The following CPSF4 variants were observed in gnomAD, a reference collection of about 807,000 sequenced individuals.
CPSF4 encodes cleavage and polyadenylation specific factor 4, also known as cleavage and polyadenylation specificity factor subunit 4.
CPSF4 carries 11 observed loss-of-function variants against 37.7 expected under a neutral mutation model. The observed-to-expected ratio is 0.29, with a 90% confidence interval of 0.18 to 0.48. CPSF4 has a LOEUF of 0.48. Ranked by LOEUF, CPSF4 falls within the 20% of genes least tolerant of loss-of-function variation. The probability of loss-of-function intolerance (pLI) is 0.99; values close to 1 mark genes in which losing one functional copy is unlikely to be tolerated. For synonymous variants in CPSF4, 132 were observed against 135.9 expected (o/e 0.97, Z 0.20); for missense variants, 144 against 359.5 (o/e 0.40, Z 4.85).
rs751146641 is a variant in CPSF4, at chr7:99,442,655, C to CAAAAAA, written c.104-2119_104-2114dup. Among the ~76,000 whole-genome samples the CAAAAAA allele has an allele frequency of 1.3e-3, 66 of 52,406 alleles. 2 individuals are homozygous for CAAAAAA. Among genetic ancestry groups the CAAAAAA allele is most frequent in the Non-Finnish European group, 1.4e-3 (35 of 25,116 alleles). 34.4% of individuals were successfully genotyped at this position (52,406 alleles called of 152,430 possible). Reference sequence around the variant, plus strand: ...CCTGGGCAACAGCGAGACTCCGTCTCAAAAAAAAAAAAAAAAAAAACAAAA... The same window carrying CAAAAAA: ...CCTGGGCAACAGCGAGACTCCGTCTCAAAAAAAAAAAAAAAAAAAAAAAAAACAAAA... On this transcript the variant is annotated intron_variant, in intron 1 of 7. Coordinates refer to ENST00000292476, the MANE Select transcript of CPSF4 (RefSeq NM_006693.4).
intron 7 of CPSF4, among the ~76,000 whole-genome samples, chr7:99,454,641 G>A (rs1008409013): frequency 7.9e-5 from 12 of 152,150 alleles, no homozygotes; most frequent in East Asian, 1.9e-4. Context: ...TGTGGGAAGC[G>A]GGGAAAGGGG....
At chr7:99,442,914 C>T (rs141125855) in intron 1 of CPSF4, 1 of 1,459,926 alleles carries the variant, frequency 6.8e-7, no homozygotes, top group African/African-American at 1.4e-5. Flanking sequence ...TGCTCTTTTC[C>T]TCTTCTTTGC....
At chr7:99,440,674 A>ATATATATATATATATATATATATTTTTTT in intron 1 of CPSF4, among the ~76,000 whole-genome samples, 1 of 88,088 alleles carries the variant, frequency 1.1e-5, no homozygotes, top group African/African-American at 9.7e-5. Context: ...ATATATATAT[A>ATATATATATATATATATATATATTTTTTT]TTTTTTTTTT....
Position 99,452,421 on chromosome 7 carries a change from A to C in CPSF4, c.551A>C (p.Gln184Pro), listed in dbSNP as rs756313629. The C allele has an allele frequency of 6.2e-7, 1 of 1,614,054 alleles. No homozygotes were observed. Among genetic ancestry groups the C allele is most frequent in the South Asian group, 1.1e-5 (1 of 91,078 alleles). ...GTTEQPPLPQ[Q>P]TQPPAKQSNN... Reference sequence around the variant, plus strand: ...ACCGAGCAGCCCCCACTGCCGCAGCAGACACAGCCTCCAGCAAAGGTACCG... The same window carrying C: ...ACCGAGCAGCCCCCACTGCCGCAGCCGACACAGCCTCCAGCAAAGGTACCG... Residue 184 changes from glutamine to proline, a missense_variant, in exon 6 of 8, where the codon CAG becomes CCG. Around this residue, in one of 4 missense-constraint regions of CPSF4, gnomAD observed 86 missense variants for 141.5 expected, o/e 0.61. Coordinates refer to ENST00000292476, the MANE Select transcript of CPSF4 (RefSeq NM_006693.4).
chr7:99,443,459 A>C (rs1280782131), intron 1 of CPSF4: 9 of 1,048,260 alleles, frequency 8.6e-6, no homozygotes, highest in Non-Finnish European at 1.3e-5. Flanking sequence ...TAGTTTAGCA[A>C]GCTTCAGCTT....
At chr7:99,447,288 GAC>G (rs1253137822) in intron 2 of CPSF4, among the ~76,000 whole-genome samples, 2 of 133,274 alleles carry the variant, frequency 1.5e-5, no homozygotes, top group African/African-American at 5.7e-5. Context: ...TTTTTTTTGA[GAC>G]AGAGTTTTGT....
chr7:99,443,004 T>C (rs1797158246), intron 1 of CPSF4: 4 of 1,530,302 alleles, frequency 2.6e-6, no homozygotes, highest in African/African-American at 1.4e-5. Flanking sequence ...CAGTTTCTTA[T>C]CATCTTCAGA....
rs1172196238 is a variant in CPSF4, at chr7:99,451,753, G to A, written c.498-615G>A. On this transcript the variant is annotated intron_variant, in intron 5 of 7. Coordinates refer to ENST00000292476, the MANE Select transcript of CPSF4 (RefSeq NM_006693.4). ...TCTGTCACTTTGGTTGTGGACCTGGGCTTCTGCCTGGGGTGGCACTGGGGC... is the reference window on the plus strand; with the variant it reads ...TCTGTCACTTTGGTTGTGGACCTGGACTTCTGCCTGGGGTGGCACTGGGGC... 3.9e-5 allele frequency among the ~76,000 whole-genome samples: 6 copies of A among 152,330 alleles called. No individual in the cohort carries two copies. In the East Asian group the frequency reaches 1.2e-3, roughly 29 times the overall value.
At chr7:99,441,319 TCCCA>T in intron 1 of CPSF4, 1 of 440,300 alleles carries the variant, frequency 2.3e-6, no homozygotes, top group South Asian at 1.6e-5. Flanking sequence ...GCTCTTTTCC[TCCCA>T]CCCTTCTGCC....
intron 1 of CPSF4, among the ~76,000 whole-genome samples, chr7:99,441,954 A>T (rs954697091): frequency 1.3e-5 from 2 of 152,280 alleles, no homozygotes; most frequent in East Asian, 3.9e-4. Context: ...AGCCTCCCAA[A>T]GTGCTAGGAT....
chr7:99,449,967 G>A (rs1797819410), intron 3 of CPSF4, among the ~76,000 whole-genome samples: 1 of 152,192 alleles, frequency 6.6e-6, no homozygotes, highest in South Asian at 2.1e-4. Flanking sequence ...TACTCAGGAA[G>A]GCGGTTCTTG....
At chr7:99,451,895 GCCGGTGCTGTCACTGGGTCT>G (rs1797956444) in intron 5 of CPSF4, among the ~76,000 whole-genome samples, 1 of 152,216 alleles carries the variant, frequency 6.6e-6, no homozygotes, top group Non-Finnish European at 1.5e-5. Context: ...CAGGGAAGTG[GCCGGTGCTGTCACTGGGTCT>G]CACTCCCTGA....
In CPSF4 at chr7:99,453,681, C is replaced by T. The variant is rs970241267; in HGVS notation, c.571-285C>T. On this transcript the variant is annotated intron_variant, in intron 6 of 7. Coordinates refer to ENST00000292476, the MANE Select transcript of CPSF4 (RefSeq NM_006693.4). This position sits in a 1 kb window ranked among gnomAD's most constrained non-coding sequence, Gnocchi z 4.7. ...CTCAGAAACCAAAGTAAGGCCTGAT[C>T]ATGCCCTCGCCCCACTGCCCCAGAG... 5.6e-6 allele frequency: 2 copies of T among 357,278 alleles called. No individual in the cohort carries two copies. Among genetic ancestry groups the T allele is most frequent in the South Asian group, 4.2e-5 (1 of 23,888 alleles). The allele number at this position is 357,278 out of a possible 1,614,324, so 22.1% of individuals were successfully genotyped here.
Position 99,453,778 on chromosome 7 carries a change from T to C in CPSF4, c.571-188T>C. ...TTTTTGTGTGTCTGCATGGTGTTTT[T>C]CGGGCAGTGGCTTCTGCCATCATCA... is the stretch of plus-strand genomic sequence containing the variant. On this transcript the variant is annotated intron_variant, in intron 6 of 7. Coordinates refer to ENST00000292476, the MANE Select transcript of CPSF4 (RefSeq NM_006693.4). The surrounding 1 kb of genome is among the most constrained non-coding windows in gnomAD (Gnocchi z 4.7). 1.7e-6 allele frequency: 1 copy of C among 604,484 alleles called. No homozygotes were observed. The highest frequency in any genetic ancestry group is 2.9e-6 in the Non-Finnish European group (1 of 341,698). The allele number at this position is 604,484 out of a possible 1,614,324, so 37.4% of individuals were successfully genotyped here.
At chr7:99,454,466 G>A (rs1380050356) in intron 7 of CPSF4, among the ~76,000 whole-genome samples, 1 of 152,150 alleles carries the variant, frequency 6.6e-6, no homozygotes, top group African/African-American at 2.4e-5. Context: ...GGAGCCGCTG[G>A]CTGTCCTGGG....
At chr7:99,440,557 T>G (rs1468159289) in intron 1 of CPSF4, among the ~76,000 whole-genome samples, 4 of 150,822 alleles carry the variant, frequency 2.7e-5, no homozygotes, top group African/African-American at 9.8e-5. Context: ...TATTTCATCA[T>G]GTTTCCCAGG....
intron 1 of CPSF4, chr7:99,443,305 G>C (rs1415491056): frequency 2.4e-6 from 2 of 841,514 alleles, no homozygotes; most frequent in Non-Finnish European, 4.2e-6. Context: ...TTTGACAAGG[G>C]GTTTTTTTCT....
rs1043937711 is a variant in CPSF4 at position 99,443,589 on chromosome 7, G to T, written c.104-1200G>T. On this transcript the variant is annotated intron_variant, in intron 1 of 7. Transcript: ENST00000292476. ...AGCACTTTGGGAAGCCAAGGCAGGCGGATCACGAGGTCAGGAGTTCGAGAC... is the reference window on the plus strand; with the variant it reads ...AGCACTTTGGGAAGCCAAGGCAGGCTGATCACGAGGTCAGGAGTTCGAGAC... 3 of 549,932 alleles carry T rather than the reference G, an allele frequency of 5.5e-6. No homozygotes were observed. In the African/African-American group the frequency reaches 5.7e-5, roughly 10 times the overall value. 34.1% of individuals were successfully genotyped at this position (549,932 alleles called of 1,614,324 possible). A position where few individuals can be genotyped will look rare whatever the true frequency, so the allele number is the denominator to read the frequency against.
At chr7:99,447,589 CTTTTTT>C (rs1195818955) in intron 2 of CPSF4, among the ~76,000 whole-genome samples, 5 of 129,068 alleles carry the variant, frequency 3.9e-5, no homozygotes, top group Admixed American at 8.2e-5. Flanking sequence ...TCATGAGTAA[CTTTTTT>C]TTTTTTTTTT....
Sources: gnomAD v4.1 joint callset for allele counts (sites outside exome capture counted in the v4.1 genomes callset) on GRCh38, gnomAD v4.1.1 for gene constraint, gnomAD v4.1.1 regional missense constraint, Gnocchi (gnomAD v3.1) non-coding constraint, MANE v1.5 for transcripts, NCBI Gene and HGNC (gene_info 2026-07-23, HGNC 2026-07-21) for gene names.